Variants in PDZD2 observed in about 807,000 individuals in gnomAD.
The protein encoded by PDZD2 is PDZ domain-containing protein 2.
Under a neutral mutation model 220.7 loss-of-function variants are expected in PDZD2, and 90 were observed. That is an observed-to-expected ratio of 0.41 (90% CI 0.34 to 0.49). The LOEUF (loss-of-function observed/expected upper bound fraction) is 0.49, where lower values mean the gene tolerates loss of function less well. PDZD2 is among the 20% of genes least tolerant of loss of function. The pLI is 0.28. For synonymous variants in PDZD2, 1,375 were observed against 1,450.5 expected (o/e 0.95, Z 1.18); for missense variants, 3,174 against 3,608.5 (o/e 0.88, Z 3.08).
intron 2 of PDZD2, among the ~76,000 whole-genome samples, chr5:31,926,644 G>T (rs1744804556): frequency 6.6e-6 from 1 of 151,956 alleles, no homozygotes; most frequent in Non-Finnish European, 1.5e-5. Context: ...TTTGACCACT[G>T]TGGAAAGCTG....
intron 1 of PDZD2, among the ~76,000 whole-genome samples, chr5:31,714,771 G>C (rs1748336916): frequency 6.6e-6 from 1 of 152,028 alleles, no homozygotes. Flanking sequence ...GAAATAAAAT[G>C]CCTGGGGCCA....
intron 2 of PDZD2, among the ~76,000 whole-genome samples, chr5:31,806,067 G>A (rs944090389): frequency 6.6e-6 from 1 of 152,216 alleles, no homozygotes; most frequent in Middle Eastern, 3.4e-3. Flanking sequence ...CCTGGTTTGT[G>A]GTCGCCCTAG....
chr5:32,089,807 C>G lies in PDZD2; in HGVS notation c.6359C>G (p.Ala2120Gly). The G allele has an allele frequency of 6.2e-7, 1 of 1,614,138 alleles. No individual in the cohort carries two copies. Among genetic ancestry groups the G allele is most frequent in the Non-Finnish European group, 8.5e-7 (1 of 1,180,008 alleles). The change falls in exon 20 of 25, where the codon GCC becomes GGC. Residue 2120 changes from alanine to glycine, a missense_variant. Ala to Gly is a moderately conservative substitution (Grantham distance 60). Around this residue, in one of 4 missense-constraint regions of PDZD2, gnomAD observed 1,861 missense variants for 2,001.0 expected, o/e 0.93. Coordinates refer to ENST00000438447, the MANE Select transcript of PDZD2 (RefSeq NM_178140.4). ...AESDRRGGCL[A>G]QGNCQEKSEI... ...AGCGACAGACGGGGAGGGTGCTTGGCCCAGGGCAACTGTCAGGAGAAGAGT... is the reference window on the plus strand; with the variant it reads ...AGCGACAGACGGGGAGGGTGCTTGGGCCAGGGCAACTGTCAGGAGAAGAGT...
Position 31,847,072 on chromosome 5 carries a change from C to T in PDZD2, c.476+47348C>T, listed in dbSNP as rs562922799. On this transcript the variant is annotated intron_variant, in intron 2 of 24. Coordinates refer to ENST00000438447, the MANE Select transcript of PDZD2 (RefSeq NM_178140.4). ...ATATACAACAGCACTCAATAAACCT[C>T]GTTAAAAATCTTGTCTTGATCTAAA... 6.6e-5 allele frequency among the ~76,000 whole-genome samples: 10 copies of T among 152,240 alleles called. 1 individual carries two copies. Among genetic ancestry groups the T allele is most frequent in the South Asian group, 2.1e-4 (1 of 4,810 alleles).
intron 2 of PDZD2, among the ~76,000 whole-genome samples, chr5:31,972,756 GACTC>G (rs1749422222): frequency 6.6e-6 from 1 of 152,188 alleles, no homozygotes; most frequent in Non-Finnish European, 1.5e-5. Context: ...AGGTGAGACT[GACTC>G]AATCATGTAC....
At chr5:31,925,177 A>G (rs1315333952) in intron 2 of PDZD2, among the ~76,000 whole-genome samples, 1 of 152,242 alleles carries the variant, frequency 6.6e-6, no homozygotes, top group Admixed American at 6.5e-5. Flanking sequence ...AGTAAAAAGA[A>G]CAAAGTCAGA....
chr5:32,019,176 C>G (rs1051482323), intron 6 of PDZD2, among the ~76,000 whole-genome samples: 2 of 132,332 alleles, frequency 1.5e-5, no homozygotes, highest in Admixed American at 1.7e-4. Flanking sequence ...GGGTCTCACT[C>G]TGTTGCCCAG....
At chr5:31,772,959 A>G (rs2150199729) in intron 1 of PDZD2, among the ~76,000 whole-genome samples, 1 of 152,334 alleles carries the variant, frequency 6.6e-6, no homozygotes, top group Non-Finnish European at 1.5e-5. Flanking sequence ...ATGGAGTGTC[A>G]GAAAGCCCCT....
chr5:31,912,507 C>T (rs1200771828), intron 2 of PDZD2, among the ~76,000 whole-genome samples: 2 of 152,092 alleles, frequency 1.3e-5, no homozygotes, highest in Admixed American at 1.3e-4. Flanking sequence ...GATGGGTGTC[C>T]CATTTGTGCC....
chr5:32,003,332 C>CCACCACACACAT, intron 5 of PDZD2, among the ~76,000 whole-genome samples: 1 of 18,128 alleles, frequency 5.5e-5, no homozygotes, highest in Non-Finnish European at 1.3e-4. Context: ...CACACACCCC[C>CCACCACACACAT]ACCACACCAC....
chr5:32,040,349 C>T lies in PDZD2; in HGVS notation c.1519+3007C>T, dbSNP rs565301813. The stretch of plus-strand genomic sequence containing the variant: ...GCCCTGTCTAGGAAGTGAGGAGCCC[C>T]TCTGCCTGGCCGCCCCGTCTAGGAA... On this transcript the variant is annotated intron_variant, in intron 7 of 24. Coordinates refer to ENST00000438447, the MANE Select transcript of PDZD2 (RefSeq NM_178140.4). Among the ~76,000 whole-genome samples the T allele has an allele frequency of 5.4e-5, 8 of 149,072 alleles. 1 individual carries two copies. The highest frequency in any genetic ancestry group is 4.0e-4 in the Admixed American group (6 of 14,942).
chr5:32,011,481 A>G (rs1017955593), intron 6 of PDZD2, among the ~76,000 whole-genome samples: 1 of 152,196 alleles, frequency 6.6e-6, no homozygotes, highest in Non-Finnish European at 1.5e-5. Flanking sequence ...CCTGGGCTAC[A>G]GAGCAAGACC....
chr5:31,792,352 T>C (rs1753776701), intron 1 of PDZD2, among the ~76,000 whole-genome samples: 1 of 152,230 alleles, frequency 6.6e-6, no homozygotes, highest in African/African-American at 2.4e-5. Context: ...TAGTTCTGGC[T>C]CTGTTACTTA....
intron 2 of PDZD2, among the ~76,000 whole-genome samples, chr5:31,842,139 C>T (rs937391061): frequency 6.6e-6 from 1 of 152,142 alleles, no homozygotes; most frequent in Non-Finnish European, 1.5e-5. Context: ...CTTGATAAGC[C>T]TTTTTGTAGC....
At chr5:31,992,302 C>T (rs1751280813) in intron 3 of PDZD2, among the ~76,000 whole-genome samples, 4 of 152,160 alleles carry the variant, frequency 2.6e-5, no homozygotes, top group Admixed American at 2.6e-4. Flanking sequence ...TTTCTGCCCT[C>T]TGAAGCCAGT....
chr5:31,735,466 A>G (rs920654476), intron 1 of PDZD2, among the ~76,000 whole-genome samples: 1 of 152,184 alleles, frequency 6.6e-6, no homozygotes, highest in Non-Finnish European at 1.5e-5. Context: ...GAAGAGCCCA[A>G]TAATGACCTT....
chr5:31,801,640 C>T (rs1754393264), intron 2 of PDZD2, among the ~76,000 whole-genome samples: 1 of 152,176 alleles, frequency 6.6e-6, no homozygotes, highest in Non-Finnish European at 1.5e-5. Flanking sequence ...CTGGGGCTGC[C>T]TCCTTGGGTT....
At chr5:31,734,170 A>G (rs2150158761) in intron 1 of PDZD2, among the ~76,000 whole-genome samples, 1 of 152,280 alleles carries the variant, frequency 6.6e-6, no homozygotes, top group Non-Finnish European at 1.5e-5. Context: ...ATACAGATGA[A>G]CAGCCAGATG....
chr5:32,087,131 A>T lies in PDZD2; in HGVS notation c.3683A>T (p.Glu1228Val). The T allele has an allele frequency of 6.3e-7, 1 of 1,595,928 alleles. No homozygotes were observed. Among genetic ancestry groups the T allele is most frequent in the Non-Finnish European group, 8.6e-7 (1 of 1,164,596 alleles). The change falls in exon 20 of 25, where the codon GAA becomes GTA. Residue 1228 changes from glutamate (E) to valine (V), a missense_variant and splice_region_variant. Physicochemically the swap from Glu to Val is moderately radical, Grantham distance 121. Coordinates refer to ENST00000438447, the MANE Select transcript of PDZD2 (RefSeq NM_178140.4). This position sits in a 1 kb window ranked among gnomAD's most constrained non-coding sequence, Gnocchi z 4.0. ...CCTTCTGTTTACGTTCCCCACGTAGAACTGGACAGCTCCTCAGACCTCATC... is the reference window on the plus strand; with the variant it reads ...CCTTCTGTTTACGTTCCCCACGTAGTACTGGACAGCTCCTCAGACCTCATC... ...ASELGQQPMT[E>V]LDSSSDLISS...
Sources: allele counts gnomAD v4.1 joint callset (sites outside exome capture counted in the v4.1 genomes callset), GRCh38; gene constraint gnomAD v4.1.1; regional missense constraint gnomAD v4.1.1; non-coding constraint Gnocchi (gnomAD v3.1); transcripts MANE v1.5; gene names NCBI Gene and HGNC (gene_info 2026-07-23, HGNC 2026-07-21).